The following GPC3 variants were observed in gnomAD, a reference collection of about 807,000 sequenced individuals.
GPC3 encodes the protein glypican-3.
GPC3 carries 3 observed loss-of-function variants against 34.4 expected under a neutral mutation model. The observed-to-expected ratio is 0.09, with a 90% CI of 0.04 to 0.23. GPC3 has a LOEUF of 0.23. GPC3 is among the 10% of genes least tolerant of loss of function. The pLI is 1.00. For missense variants in GPC3, 351 were observed against 445.6 expected (o/e 0.79, Z 1.91); for synonymous variants, 177 against 174.0 (o/e 1.02, Z -0.13).
chrX:133,580,973 A>G (rs2069726196), intron 7 of GPC3, among the ~76,000 whole-genome samples: 3 of 112,346 alleles, frequency 2.7e-5, no homozygotes, highest in Non-Finnish European at 5.6e-5. Flanking sequence ...AGCCAACAAA[A>G]TGTAACCTGA....
intron 5 of GPC3, among the ~76,000 whole-genome samples, chrX:133,690,379 T>C (rs1336811870): frequency 1.8e-5 from 2 of 111,584 alleles, no homozygotes; most frequent in Non-Finnish European, 3.8e-5. Flanking sequence ...GTTACAACAA[T>C]CCTGTGAGAT....
intron 7 of GPC3, among the ~76,000 whole-genome samples, chrX:133,591,863 G>A (rs1470912979): frequency 1.8e-5 from 2 of 111,850 alleles, no homozygotes; most frequent in African/African-American, 6.5e-5. Flanking sequence ...TATGAACAGC[G>A]GTATGTCTCA....
chrX:133,833,336 C>T (rs983935375), intron 2 of GPC3, among the ~76,000 whole-genome samples: 1 of 111,824 alleles, frequency 8.9e-6, no homozygotes, highest in Admixed American at 9.5e-5. Flanking sequence ...CACTGACTAT[C>T]TCCAAACCCA....
At chrX:133,615,991 T>A (rs752003891) in intron 6 of GPC3, among the ~76,000 whole-genome samples, 1 of 110,939 alleles carries the variant, frequency 9.0e-6, no homozygotes, top group South Asian at 3.9e-4. Context: ...CTCTTTAAGA[T>A]GAGAAAAAAG....
At chrX:133,968,099 C>A (rs1363863679) in intron 1 of GPC3, among the ~76,000 whole-genome samples, 1 of 112,402 alleles carries the variant, frequency 8.9e-6, no homozygotes, top group African/African-American at 3.2e-5. Context: ...TGAGGCAGTT[C>A]AACTCAAAGG....
chrX:133,717,081 C>T (rs2071321095), intron 3 of GPC3, among the ~76,000 whole-genome samples: 1 of 110,655 alleles, frequency 9.0e-6, no homozygotes, highest in Admixed American at 9.7e-5. Flanking sequence ...GTGCCTCAGC[C>T]TCACGAGTAG....
chrX:133,933,856 CTT>C (rs1313910774), intron 2 of GPC3, among the ~76,000 whole-genome samples: 1 of 96,443 alleles, frequency 1.0e-5, no homozygotes. Context: ...AACCTCTTTT[CTT>C]TTTTTTTTTG....
chrX:133,971,671 G>C (rs2076494374), intron 1 of GPC3, among the ~76,000 whole-genome samples: 1 of 110,852 alleles, frequency 9.0e-6, no homozygotes, highest in Admixed American at 9.6e-5. Context: ...GTTGAGAGAG[G>C]GTGTGAGGGT....
intron 3 of GPC3, among the ~76,000 whole-genome samples, chrX:133,719,202 T>C (rs958266287): frequency 2.7e-5 from 3 of 110,850 alleles, no homozygotes; most frequent in African/African-American, 9.8e-5. Context: ...ACAAAACGAG[T>C]CTCAAATTTA....
intron 6 of GPC3, among the ~76,000 whole-genome samples, chrX:133,624,563 A>C (rs1355350777): frequency 8.9e-6 from 1 of 112,097 alleles, no homozygotes; most frequent in Non-Finnish European, 1.9e-5. Flanking sequence ...AATCTAGAAG[A>C]AATGGAAAAA....
intron 7 of GPC3, among the ~76,000 whole-genome samples, chrX:133,539,908 T>G (rs1485510222): frequency 8.9e-6 from 1 of 112,189 alleles, no homozygotes; most frequent in African/African-American, 3.2e-5. Context: ...ATACAGACAT[T>G]TCTGGACAGG....
chrX:133,674,763 C>T (rs2070866369), intron 5 of GPC3, among the ~76,000 whole-genome samples: 1 of 111,803 alleles, frequency 8.9e-6, no homozygotes, highest in Non-Finnish European at 1.9e-5. Context: ...AAATATTCTG[C>T]TTCCACTTTG....
Position 133,895,925 on chromosome X carries a change from A to G in GPC3, c.337+57125T>C, listed in dbSNP as rs370896474. Among the ~76,000 whole-genome samples, 97 of 111,742 alleles carry G rather than the reference A, an allele frequency of 8.7e-4. 1 individual carries two copies. Among genetic ancestry groups the G allele is most frequent in the Admixed American group, 1.5e-3 (16 of 10,500 alleles). ...CCTTGGACTCAGCGGCCTCTCCCCA[A>G]ACTTTTCACTCTATATAAAAACTTT... On this transcript the variant is annotated intron_variant, in intron 2 of 7. Transcript: ENST00000370818.
intron 3 of GPC3, among the ~76,000 whole-genome samples, chrX:133,733,120 T>G (rs2071478304): frequency 9.0e-6 from 1 of 111,130 alleles, no homozygotes; most frequent in South Asian, 3.8e-4. Context: ...AGGAACGAAA[T>G]AAGATCTTTT....
chrX:133,784,526 G>A (rs952610750), intron 2 of GPC3, among the ~76,000 whole-genome samples: 1 of 111,392 alleles, frequency 9.0e-6, no homozygotes, highest in African/African-American at 3.3e-5. Context: ...AAGGTCACAG[G>A]CCACTAATGG....
At chrX:133,981,274 G>C (rs1463616062) in intron 1 of GPC3, among the ~76,000 whole-genome samples, 1 of 111,521 alleles carries the variant, frequency 9.0e-6, no homozygotes, top group Non-Finnish European at 1.9e-5. Flanking sequence ...TTACTTGTAT[G>C]CTTCCCCACT....
intron 7 of GPC3, among the ~76,000 whole-genome samples, chrX:133,538,376 A>G (rs1393869911): frequency 2.7e-5 from 3 of 111,673 alleles, no homozygotes; most frequent in Non-Finnish European, 5.6e-5. Flanking sequence ...CAACTTCTCA[A>G]CTTAAATAAA....
chrX:133,889,068 AATGT>A (rs981712684), intron 2 of GPC3, among the ~76,000 whole-genome samples: 2 of 111,958 alleles, frequency 1.8e-5, no homozygotes, highest in Admixed American at 9.5e-5. Flanking sequence ...AATGGCATGG[AATGT>A]AGTAACACTT....
chrX:133,606,195 C>T (rs1003283393), intron 6 of GPC3, among the ~76,000 whole-genome samples: 17 of 112,187 alleles, frequency 1.5e-4, no homozygotes, highest in African/African-American at 5.5e-4. Flanking sequence ...CAGTGGGGCT[C>T]CTTCCCCAGT....
Sources: allele counts gnomAD v4.1 joint callset (sites outside exome capture counted in the v4.1 genomes callset), GRCh38; gene constraint gnomAD v4.1.1; transcripts MANE v1.5; gene names NCBI Gene and HGNC (gene_info 2026-07-23, HGNC 2026-07-21).